CEP170: variants seen among roughly 807,000 people sequenced by gnomAD.
The protein encoded by CEP170 is centrosomal protein 170, also known as centrosomal protein of 170 kDa.
A neutral mutation model predicts 151.9 loss-of-function variants in CEP170; 21 were observed. The ratio of observed to expected loss-of-function variants is 0.14; its 90% CI spans 0.10 to 0.20. The LOEUF is 0.20. Among genes scored for constraint, CEP170 ranks in the 10% least tolerant of loss-of-function variants. CEP170 has a pLI of 1.00. For missense variants in CEP170, 964 were observed against 1,892.9 expected (o/e 0.51, Z 9.11); for synonymous variants, 356 against 648.8 (o/e 0.55, Z 6.86).
chr1:243,185,431 A>G lies in CEP170; in HGVS notation c.1566+348T>C, dbSNP rs1572114145. Among the ~76,000 whole-genome samples the G allele has an allele frequency of 6.6e-6, 1 of 152,362 alleles. No homozygotes were observed. The highest frequency in any genetic ancestry group is 1.9e-4 in the East Asian group (1 of 5,188). On this transcript the variant is annotated intron_variant, in intron 10 of 19. Transcript: ENST00000366542. The surrounding 1 kb of genome is among the most constrained non-coding windows in gnomAD (Gnocchi z 4.9). Reference sequence around the variant, plus strand: ...TCTACATTTATGTTAACAGAGTTATAGCAATGTTTGTTGGTTGTTTCTTTT... The same window carrying G: ...TCTACATTTATGTTAACAGAGTTATGGCAATGTTTGTTGGTTGTTTCTTTT...
rs773162241 is a variant in CEP170 at position 243,218,807 on chromosome 1, G to A, written c.195+2917C>T. Among the ~76,000 whole-genome samples, 122 of 152,188 alleles carry A rather than the reference G, an allele frequency of 8.0e-4. 1 individual carries two copies. Among genetic ancestry groups the A allele is most frequent in the Non-Finnish European group, 4.1e-4 (28 of 68,006 alleles). On this transcript the variant is annotated intron_variant, in intron 3 of 19. Transcript: ENST00000366542. ...TATATCTTTACAACACATACAACAC[G>A]CTCACACAACCTGTGAGTACCATTT...
chr1:243,144,745 C>T (rs1242781992), intron 14 of CEP170, among the ~76,000 whole-genome samples: 3 of 152,068 alleles, frequency 2.0e-5, no homozygotes, highest in South Asian at 2.1e-4. Context: ...CAATTCTTAA[C>T]GTATATACAA....
intron 3 of CEP170, among the ~76,000 whole-genome samples, chr1:243,212,238 G>C (rs528481247): frequency 1.3e-5 from 2 of 152,160 alleles, no homozygotes; most frequent in East Asian, 3.8e-4. Context: ...GCCAAGAAAA[G>C]CTCCTAATCT....
At chr1:243,198,455 T>G (rs2060805154) in intron 7 of CEP170, among the ~76,000 whole-genome samples, 1 of 152,070 alleles carries the variant, frequency 6.6e-6, no homozygotes, top group Admixed American at 6.6e-5. Context: ...CACTGAGGTT[T>G]TGAAGAATTT....
chr1:243,189,411 C>T (rs1304896467), intron 8 of CEP170, among the ~76,000 whole-genome samples: 1 of 151,744 alleles, frequency 6.6e-6, no homozygotes, highest in Non-Finnish European at 1.5e-5. Flanking sequence ...AAAAAATTAG[C>T]CGGGTGTGGT....
chr1:243,211,664 A>AGG (rs755869692), intron 4 of CEP170: 17 of 477,856 alleles, frequency 3.6e-5, no homozygotes, highest in Non-Finnish European at 5.2e-5. Context: ...AAATAGAGAG[A>AGG]GAGAGGGAAA....
chr1:243,211,042 C>G (rs2061756659), intron 4 of CEP170, among the ~76,000 whole-genome samples: 1 of 150,638 alleles, frequency 6.6e-6, no homozygotes, highest in Admixed American at 6.6e-5. Flanking sequence ...ATCCAAATTG[C>G]TATGCTTAAT....
intron 4 of CEP170, among the ~76,000 whole-genome samples, chr1:243,202,939 G>A (rs1015418312): frequency 5.3e-5 from 8 of 152,146 alleles, no homozygotes; most frequent in Non-Finnish European, 8.8e-5. Context: ...CCCAGGGCTC[G>A]TCTGGGGTAT....
chr1:243,133,981 A>G (rs10803118), intron 17 of CEP170, among the ~76,000 whole-genome samples: 46,972 of 152,012 alleles, frequency 0.31, 7,639 homozygotes, highest in South Asian at 0.49. Context: ...TTTTTAGTTA[A>G]TAAGGTTCCA....
chr1:243,231,295 G>C (rs2063742554), intron 1 of CEP170, among the ~76,000 whole-genome samples: 1 of 149,020 alleles, frequency 6.7e-6, no homozygotes, highest in African/African-American at 2.5e-5. Flanking sequence ...TGTCAGTACA[G>C]TGCCCTACAA....
chr1:243,194,141 C>T (rs530222529), intron 7 of CEP170, among the ~76,000 whole-genome samples: 1 of 151,088 alleles, frequency 6.6e-6, no homozygotes, highest in South Asian at 2.1e-4. Flanking sequence ...GGGCAGGGTA[C>T]AAAAGTGAGG....
chr1:243,251,773 G>A (rs2065961397), intron 1 of CEP170, among the ~76,000 whole-genome samples: 2 of 152,086 alleles, frequency 1.3e-5, no homozygotes, highest in South Asian at 4.1e-4. Context: ...TGCAATTCCT[G>A]TTTGTATGTA....
At chr1:243,241,102 A>C (rs77875853) in intron 1 of CEP170, among the ~76,000 whole-genome samples, 2,494 of 152,342 alleles carry the variant, frequency 0.016, 78 homozygotes, top group African/African-American at 0.057. Context: ...TAGAAGGCAA[A>C]TTTCATTTTG....
At chr1:243,232,947 T>A (rs2063887176) in intron 1 of CEP170, among the ~76,000 whole-genome samples, 1 of 152,224 alleles carries the variant, frequency 6.6e-6, no homozygotes. Context: ...TTTCAATGAA[T>A]GAGTAGCTTT....
chr1:243,140,195 A>G, intron 15 of CEP170, 88 bp from the exon 16 acceptor site: 1 of 1,517,600 alleles, frequency 6.6e-7, no homozygotes, highest in Non-Finnish European at 8.9e-7. Flanking sequence ...ATTAGACAGA[A>G]GTTATTCCAT....
rs1055148454 is a variant in CEP170, at chr1:243,183,880, T to C, written c.1566+1899A>G. Reference sequence around the variant, plus strand: ...TAAAAAATGATGCTTATGATAATTGTAGGCAACAGGTGTAAAACAGGTTTT... The same window carrying C: ...TAAAAAATGATGCTTATGATAATTGCAGGCAACAGGTGTAAAACAGGTTTT... On this transcript the variant is annotated intron_variant, in intron 10 of 19. Coordinates refer to ENST00000366542, the MANE Select transcript of CEP170 (RefSeq NM_014812.3). 7.9e-5 allele frequency among the ~76,000 whole-genome samples: 12 copies of C among 152,182 alleles called. 1 individual carries two copies. The highest frequency in any genetic ancestry group is 1.6e-4 in the Non-Finnish European group (11 of 68,024).
At position 243,169,737 on chromosome 1, in the gene CEP170, A is replaced by T; in HGVS notation, c.1734T>A (p.Ser578=). The change falls in exon 12 of 20, where the codon TCT becomes TCA. Residue 578 remains serine, a synonymous_variant. Transcript: ENST00000366542. ...FHHSEEGTSS[S]GSKRWVSQWA... is the part of the protein sequence containing the mutation. ...ACTGTGAAACCCAACGTTTGCTTCCAGATGAAGATGTGCCTTCCTAAAGGA... is the reference window on the plus strand; with the variant it reads ...ACTGTGAAACCCAACGTTTGCTTCCTGATGAAGATGTGCCTTCCTAAAGGA... 6.2e-7 allele frequency: 1 copy of T among 1,613,448 alleles called. No individual in the cohort carries two copies. Among genetic ancestry groups the T allele is most frequent in the Non-Finnish European group, 8.5e-7 (1 of 1,179,650 alleles).
intron 14 of CEP170, among the ~76,000 whole-genome samples, chr1:243,150,816 T>C (rs770910612): frequency 4.5e-4 from 68 of 152,238 alleles, no homozygotes; most frequent in Non-Finnish European, 7.5e-4. Context: ...GTTAAGTATG[T>C]GCATCAACTT....
chr1:243,201,894 T>C (rs4469702), intron 4 of CEP170, among the ~76,000 whole-genome samples: 58,439 of 151,992 alleles, frequency 0.38, 12,980 homozygotes, highest in Admixed American at 0.5. Flanking sequence ...TAATCTACAT[T>C]GCTTTTTCCT....
Sources: gnomAD v4.1 joint callset for allele counts (sites outside exome capture counted in the v4.1 genomes callset) on GRCh38, gnomAD v4.1.1 for gene constraint, Gnocchi (gnomAD v3.1) non-coding constraint, MANE v1.5 for transcripts, NCBI Gene and HGNC (gene_info 2026-07-23, HGNC 2026-07-21) for gene names.